The following LIN28B variants were observed in gnomAD, a reference collection of about 807,000 sequenced individuals.
LIN28B encodes the protein protein lin-28 homolog B.
In LIN28B, 5 loss-of-function variants were observed where a neutral mutation model predicts 21.9. That is an observed-to-expected ratio of 0.23 (90% CI 0.12 to 0.48). The LOEUF (loss-of-function observed/expected upper bound fraction) is 0.48, where lower values mean the gene tolerates loss of function less well. Among genes scored for constraint, LIN28B ranks in the 20% least tolerant of loss-of-function variants. The pLI is 0.98. For synonymous variants in LIN28B, 109 were observed against 111.3 expected (o/e 0.98, Z 0.13); for missense variants, 245 against 310.5 (o/e 0.79, Z 1.58).
At chr6:105,010,677 T>A (rs1770905033) in intron 2 of LIN28B, among the ~76,000 whole-genome samples, 2 of 152,200 alleles carry the variant, frequency 1.3e-5, no homozygotes, top group East Asian at 3.8e-4. Context: ...AATCTCTAAA[T>A]TTTCCAGCAT....
chr6:105,018,070 A>G (rs757617988), intron 2 of LIN28B, among the ~76,000 whole-genome samples: 13 of 151,788 alleles, frequency 8.6e-5, no homozygotes, highest in Non-Finnish European at 1.2e-4. Context: ...GCCAGAGTTC[A>G]AGACCAGCCT....
intron 2 of LIN28B, among the ~76,000 whole-genome samples, chr6:104,995,801 A>G (rs1199987828): frequency 6.6e-6 from 1 of 152,104 alleles, no homozygotes; most frequent in African/African-American, 2.4e-5. Flanking sequence ...TGTAATAAGA[A>G]CTGTAAAAAC....
intron 2 of LIN28B, among the ~76,000 whole-genome samples, chr6:104,984,975 C>A (rs1770305237): frequency 6.6e-6 from 1 of 152,112 alleles, no homozygotes; most frequent in African/African-American, 2.4e-5. Context: ...GGTGTCTAGA[C>A]AATTAAGAAA....
upstream of LIN28B, among the ~76,000 whole-genome samples, chr6:104,956,698 C>T (rs944719125): frequency 6.6e-6 from 1 of 152,046 alleles, no homozygotes; most frequent in African/African-American, 2.4e-5. Context: ...TAGCTGAATT[C>T]TTAAGGGGAA....
intron 3 of LIN28B, among the ~76,000 whole-genome samples, chr6:105,038,445 T>G (rs923923648): frequency 2.6e-5 from 4 of 152,248 alleles, no homozygotes; most frequent in African/African-American, 9.6e-5. Flanking sequence ...GGCCAACAGT[T>G]GGGAAAACAA....
At chr6:105,019,364 G>C (rs1000843835) in intron 2 of LIN28B, among the ~76,000 whole-genome samples, 7 of 152,104 alleles carry the variant, frequency 4.6e-5, no homozygotes, top group Admixed American at 3.9e-4. Flanking sequence ...TTACACCAGT[G>C]GTCTTCTCAT....
intron 2 of LIN28B, among the ~76,000 whole-genome samples, chr6:104,997,411 G>A (rs1770632451): frequency 6.6e-6 from 1 of 151,632 alleles, no homozygotes; most frequent in Non-Finnish European, 1.5e-5. Context: ...CGTATATATA[G>A]ATAAGATGGA....
At chr6:105,007,444 T>G (rs1770840511) in intron 2 of LIN28B, among the ~76,000 whole-genome samples, 1 of 152,216 alleles carries the variant, frequency 6.6e-6, no homozygotes, top group African/African-American at 2.4e-5. Context: ...ATGTCCAATT[T>G]GGAGATTTTA....
At chr6:105,021,754 T>C (rs1385493320) in intron 2 of LIN28B, among the ~76,000 whole-genome samples, 1 of 152,204 alleles carries the variant, frequency 6.6e-6, no homozygotes, top group Non-Finnish European at 1.5e-5. Context: ...AAATATTTTC[T>C]CCCATTCCGC....
intron 2 of LIN28B, chr6:104,940,828 A>ATG (rs1778076996): frequency 6.6e-6 from 1 of 151,338 alleles, no homozygotes; most frequent in Non-Finnish European, 1.5e-5. Flanking sequence ...CCGGCTCACA[A>ATG]TGTGCTGACC....
At chr6:105,017,300 T>A (rs1311945422) in intron 2 of LIN28B, among the ~76,000 whole-genome samples, 1 of 152,030 alleles carries the variant, frequency 6.6e-6, no homozygotes, top group Non-Finnish European at 1.5e-5. Flanking sequence ...GTTGAGTATA[T>A]GAGATAGCAG....
chr6:105,052,393 G>C (rs1771925524), intron 3 of LIN28B, among the ~76,000 whole-genome samples: 1 of 152,128 alleles, frequency 6.6e-6, no homozygotes, highest in African/African-American at 2.4e-5. Context: ...CCAAGATCAA[G>C]GGGCAGGCAT....
chr6:105,015,514 A>G (rs1365967129), intron 2 of LIN28B, among the ~76,000 whole-genome samples: 1 of 152,072 alleles, frequency 6.6e-6, no homozygotes, highest in Non-Finnish European at 1.5e-5. Context: ...TTAAATCCTA[A>G]TTTAACACCT....
chr6:104,978,153 G>A (rs899361941), intron 2 of LIN28B, among the ~76,000 whole-genome samples: 13 of 152,116 alleles, frequency 8.5e-5, no homozygotes, highest in Non-Finnish European at 8.8e-5. Context: ...TTGGGCTACT[G>A]CCCCCCACCT....
intron 3 of LIN28B, among the ~76,000 whole-genome samples, chr6:105,048,823 T>C (rs1041467817): frequency 1.3e-5 from 2 of 152,230 alleles, no homozygotes; most frequent in Non-Finnish European, 2.9e-5. Context: ...TATAGTCTTC[T>C]CTGATGGTAG....
chr6:104,979,361 C>G (rs1770172186), intron 2 of LIN28B, among the ~76,000 whole-genome samples: 1 of 152,008 alleles, frequency 6.6e-6, no homozygotes, highest in East Asian at 1.9e-4. Flanking sequence ...GTGTGCGCCA[C>G]CACGCCCGGC....
intron 3 of LIN28B, among the ~76,000 whole-genome samples, chr6:105,052,042 G>A (rs1301415261): frequency 1.3e-5 from 2 of 152,224 alleles, no homozygotes; most frequent in Non-Finnish European, 2.9e-5. Context: ...GCAGAGACAT[G>A]AATGACGTAA....
intron 2 of LIN28B, among the ~76,000 whole-genome samples, chr6:104,974,091 T>G (rs1357841523): frequency 6.6e-6 from 1 of 152,214 alleles, no homozygotes; most frequent in Non-Finnish European, 1.5e-5. Context: ...TAAAATAGGC[T>G]AATAATGAAA....
At position 105,079,111 on chromosome 6, in the gene LIN28B, G is replaced by T; in HGVS notation, c.*328G>T. On this transcript the variant is annotated 3_prime_UTR_variant, in exon 4 of 4. Transcript: ENST00000345080. Reference sequence around the variant, plus strand: ...AGAGGCTTTGTCTTTATATATTTGTGTATAGATCAAAGCACACACCCTCTC... The same window carrying T: ...AGAGGCTTTGTCTTTATATATTTGTTTATAGATCAAAGCACACACCCTCTC... The T allele has an allele frequency of 5.1e-6, 1 of 196,700 alleles. No homozygotes were observed. The highest frequency in any genetic ancestry group is 1.0e-5 in the Non-Finnish European group (1 of 95,668). 12.2% of individuals were successfully genotyped at this position (196,700 alleles called of 1,614,324 possible).
Sources: allele counts gnomAD v4.1 joint callset (sites outside exome capture counted in the v4.1 genomes callset), GRCh38; gene constraint gnomAD v4.1.1; transcripts MANE v1.5; gene names NCBI Gene and HGNC (gene_info 2026-07-23, HGNC 2026-07-21).